The following TENM2 variants were observed in gnomAD, a reference collection of about 807,000 sequenced individuals.
The protein encoded by TENM2 is teneurin transmembrane protein 2.
TENM2 carries 52 observed loss-of-function variants against 245.2 expected under a neutral mutation model. The observed-to-expected ratio is 0.21, with a 90% CI of 0.17 to 0.27. The LOEUF (loss-of-function observed/expected upper bound fraction) is 0.27. Ranked by LOEUF, TENM2 falls within the 10% of genes least tolerant of loss-of-function variation. The pLI, the probability that TENM2 is intolerant of heterozygous loss-of-function variation, is 1.00. For missense variants in TENM2, 3,046 were observed against 3,666.8 expected, an observed-to-expected ratio of 0.83 and a Z score of 4.37; for synonymous variants, 1,363 against 1,438.9, an observed-to-expected ratio of 0.95 and a Z score of 1.19.
rs546551274 is a variant in TENM2 at position 167,808,503 on chromosome 5, G to A, written c.503-67483G>A. Among the ~76,000 whole-genome samples the A allele has an allele frequency of 6.6e-5, 10 of 152,172 alleles. 1 individual carries two copies. Among genetic ancestry groups the A allele is most frequent in the East Asian group, 3.9e-4 (2 of 5,162 alleles). ...TCAAACTCCTGACCTCAGGTGATCA[G>A]CCTACCTCAGTCTCCCAAAATGCTA... On this transcript the variant is annotated intron_variant, in intron 2 of 28. Coordinates refer to ENST00000518659, the Ensembl canonical transcript of TENM2.
At chr5:168,165,234 A>G (rs1259716251) in intron 13 of TENM2, 2 of 152,262 alleles carry the variant, frequency 1.3e-5, no homozygotes, top group African/African-American at 2.4e-5. Context: ...AAGTTAAGGC[A>G]TAACTACATA....
At chr5:167,718,321 G>A (rs74399000) in intron 2 of TENM2, among the ~76,000 whole-genome samples, 1 of 152,168 alleles carries the variant, frequency 6.6e-6, no homozygotes, top group African/African-American at 2.4e-5. Flanking sequence ...TGGGCTTATT[G>A]TCTGACAAAT....
chr5:168,038,333 C>T (rs550245874), intron 5 of TENM2, among the ~76,000 whole-genome samples: 3 of 151,968 alleles, frequency 2.0e-5, no homozygotes, highest in South Asian at 2.1e-4. Context: ...TCCTGTGTGC[C>T]GGTTACCCCC....
At chr5:168,145,976 CTGTT>C (rs1216324729) in intron 12 of TENM2, among the ~76,000 whole-genome samples, 1 of 140,568 alleles carries the variant, frequency 7.1e-6, no homozygotes, top group Non-Finnish European at 1.5e-5. Context: ...ATTTGGCTCT[CTGTT>C]TGTCTGTTGT....
intron 2 of TENM2, among the ~76,000 whole-genome samples, chr5:167,444,008 A>G (rs1374765830): frequency 6.6e-6 from 1 of 152,114 alleles, no homozygotes; most frequent in Non-Finnish European, 1.5e-5. Context: ...AAATATTAGC[A>G]TATTCATTGG....
rs575960979 is a variant in TENM2 at position 168,036,677 on chromosome 5, G to GTGTA, written c.1187-10749_1187-10748insGTAT. Among the ~76,000 whole-genome samples the GTGTA allele has an allele frequency of 2.6e-3, 304 of 117,792 alleles. 7 individuals are homozygous for GTGTA. The highest frequency in any genetic ancestry group is 7.7e-3 in the Admixed American group (83 of 10,830). 77.3% of individuals were successfully genotyped at this position (117,792 alleles called of 152,430 possible). ...ATATATATATATAATATATGTATGTGTATATATATATATATATATATATGT... is the reference window on the plus strand; with the variant it reads ...ATATATATATATAATATATGTATGTGTGTATATATATATATATATATATATATGT... On this transcript the variant is annotated intron_variant, in intron 5 of 28. Coordinates refer to ENST00000518659, the Ensembl canonical transcript of TENM2.
rs1763224604 is a variant in TENM2 at position 168,216,651 on chromosome 5, A to C, written c.4079-117A>C. 5 of 941,950 alleles carry C rather than the reference A, an allele frequency of 5.3e-6. No homozygotes were observed. The Admixed American group carries it at 8.0e-5, about 15-fold the overall frequency. 58.3% of individuals were successfully genotyped at this position (941,950 alleles called of 1,614,324 possible). A position where few individuals can be genotyped will look rare whatever the true frequency, so the allele number is the denominator to read the frequency against. ...ACCACTGCTCTGAGGGTACTAATCAATTCCAGTAAGGTCTCTGGTCTAAGC... is the reference window on the plus strand; with the variant it reads ...ACCACTGCTCTGAGGGTACTAATCACTTCCAGTAAGGTCTCTGGTCTAAGC... On this transcript the variant is annotated intron_variant, in intron 21 of 28. Coordinates refer to ENST00000518659, the Ensembl canonical transcript of TENM2.
chr5:167,195,139 G>C, the TENM2 span, among the ~76,000 whole-genome samples: 7 of 152,012 alleles, frequency 4.6e-5, no homozygotes, highest in Admixed American at 4.6e-4. Context: ...GTGGGAAAAA[G>C]TGCCCCCACC....
At chr5:167,719,688 A>G (rs1008253694) in intron 2 of TENM2, among the ~76,000 whole-genome samples, 2 of 152,206 alleles carry the variant, frequency 1.3e-5, no homozygotes, top group Admixed American at 6.5e-5. Context: ...AACTGAGCAG[A>G]TCCTCCAGAA....
At chr5:167,833,552 A>T (rs1352558702) in intron 2 of TENM2, among the ~76,000 whole-genome samples, 2 of 152,226 alleles carry the variant, frequency 1.3e-5, no homozygotes. Context: ...TTATCTCCTC[A>T]TGCTCATTGG....
At chr5:167,060,714 T>C in the TENM2 span, among the ~76,000 whole-genome samples, 2 of 151,298 alleles carry the variant, frequency 1.3e-5, no homozygotes, top group African/African-American at 4.9e-5. Context: ...AAACCTAACA[T>C]ACCTAAAATA....
intron 2 of TENM2, among the ~76,000 whole-genome samples, chr5:167,650,667 T>C (rs1449131603): frequency 2.0e-5 from 3 of 152,140 alleles, no homozygotes; most frequent in Non-Finnish European, 4.4e-5. Flanking sequence ...AACATTGAAC[T>C]GATACTTGAG....
chr5:167,913,606 AG>A (rs1561927676), intron 3 of TENM2, among the ~76,000 whole-genome samples: 1 of 152,242 alleles, frequency 6.6e-6, no homozygotes, highest in African/African-American at 2.4e-5. Context: ...TTGAAACAAT[AG>A]AAATCTGAAA....
chr5:168,112,613 G>C (rs1581344079), intron 9 of TENM2, among the ~76,000 whole-genome samples: 1 of 120,810 alleles, frequency 8.3e-6, no homozygotes, highest in Non-Finnish European at 1.7e-5. Context: ...GGGCGGGGGG[G>C]GGGTCAAACT....
At chr5:167,198,156 T>C in the TENM2 span, among the ~76,000 whole-genome samples, 6 of 151,998 alleles carry the variant, frequency 3.9e-5, no homozygotes, top group South Asian at 2.1e-4. Flanking sequence ...CAGGAAACCA[T>C]AGAACGCTTC....
At chr5:168,166,382 T>C (rs1172397588) in intron 13 of TENM2, among the ~76,000 whole-genome samples, 1 of 152,228 alleles carries the variant, frequency 6.6e-6, no homozygotes, top group Non-Finnish European at 1.5e-5. Flanking sequence ...GGGATATGTA[T>C]TTTTTATTTT....
intron 5 of TENM2, among the ~76,000 whole-genome samples, chr5:168,006,931 A>G (rs1241620241): frequency 6.6e-6 from 1 of 152,208 alleles, no homozygotes; most frequent in African/African-American, 2.4e-5. Context: ...CCAGGGATGA[A>G]GAAATCAGGA....
At chr5:167,072,348 TAGTG>T in the TENM2 span, among the ~76,000 whole-genome samples, 3 of 152,334 alleles carry the variant, frequency 2.0e-5, no homozygotes, top group Middle Eastern at 3.4e-3. Flanking sequence ...AGGAGGAACT[TAGTG>T]AGTCACTTAA....
At chr5:167,042,911 G>A in the TENM2 span, among the ~76,000 whole-genome samples, 6 of 152,304 alleles carry the variant, frequency 3.9e-5, 1 homozygote, top group Admixed American at 3.9e-4. Context: ...AGATTTTAGG[G>A]ATTATCTTGT....
Sources: allele counts gnomAD v4.1 joint callset (sites outside exome capture counted in the v4.1 genomes callset), GRCh38; gene constraint gnomAD v4.1.1; transcripts MANE v1.5; gene names NCBI Gene and HGNC (gene_info 2026-07-23, HGNC 2026-07-21).